MAML3: variants seen among roughly 807,000 people sequenced by gnomAD.
MAML3 encodes the protein mastermind like transcriptional coactivator 3, also known as mastermind-like protein 3.
In MAML3, 27 loss-of-function variants were observed where a neutral mutation model predicts 101.9. The observed-to-expected ratio is 0.27, with a 90% confidence interval of 0.20 to 0.37. The LOEUF (loss-of-function observed/expected upper bound fraction) is 0.37, where lower values mean the gene tolerates loss of function less well. MAML3 is among the 10% of genes least tolerant of loss of function. The pLI is 1.00. For missense variants in MAML3, 1,316 were observed against 1,444.9 expected (o/e 0.91, Z 1.45); for synonymous variants, 501 against 555.9 (o/e 0.90, Z 1.39).
chr4:140,146,820 T>TA (rs1560908208), intron 1 of MAML3, among the ~76,000 whole-genome samples: 2 of 152,118 alleles, frequency 1.3e-5, no homozygotes, highest in Admixed American at 6.6e-5. Flanking sequence ...CTGCTGTCGT[T>TA]AGTGCCAATG....
intron 1 of MAML3, among the ~76,000 whole-genome samples, chr4:139,903,646 G>C (rs1056875859): frequency 1.3e-5 from 2 of 152,178 alleles, no homozygotes; most frequent in Non-Finnish European, 2.9e-5. Flanking sequence ...GTTAAAATGA[G>C]GTGATTAGAG....
At chr4:140,028,936 T>G (rs1726867208) in intron 1 of MAML3, among the ~76,000 whole-genome samples, 1 of 152,220 alleles carries the variant, frequency 6.6e-6, no homozygotes, top group Non-Finnish European at 1.5e-5. Context: ...CTTTTTTTCC[T>G]TCTATTTTTG....
chr4:140,132,355 T>A (rs929916675), intron 1 of MAML3, among the ~76,000 whole-genome samples: 1 of 152,204 alleles, frequency 6.6e-6, no homozygotes. Context: ...TACTTTCCAA[T>A]ATAACTGGTC....
rs577358892 is a variant in MAML3, at chr4:140,062,416, T to A, written c.468+90444A>T. 3.2e-3 allele frequency among the ~76,000 whole-genome samples: 485 copies of A among 152,170 alleles called. 4 individuals are homozygous for A. The highest frequency in any genetic ancestry group is 0.027 in the Middle Eastern group (8 of 294). ...CCCCTCCCAGACCTATTAAATCAGA[T>A]ATTCTTGGGGCAGGGCCACGCTATC... On this transcript the variant is annotated intron_variant, in intron 1 of 4. Coordinates refer to ENST00000509479, the MANE Select transcript of MAML3 (RefSeq NM_018717.5).
chr4:140,040,019 G>C (rs147012266), intron 1 of MAML3, among the ~76,000 whole-genome samples: 1 of 152,288 alleles, frequency 6.6e-6, no homozygotes, highest in East Asian at 1.9e-4. Flanking sequence ...TGAGAGGACA[G>C]ACCAGTGAGA....
intron 2 of MAML3, among the ~76,000 whole-genome samples, chr4:139,861,207 C>T (rs745881687): frequency 3.9e-5 from 6 of 152,056 alleles, no homozygotes; most frequent in Non-Finnish European, 5.9e-5. Context: ...CCTCCTGGAT[C>T]ACTTCTTTCT....
chr4:140,149,298 G>A (rs891677728), intron 1 of MAML3, among the ~76,000 whole-genome samples: 2 of 152,186 alleles, frequency 1.3e-5, no homozygotes, highest in Admixed American at 6.5e-5. Context: ...CCTAATACCT[G>A]AGGTAGTGCA....
At chr4:140,049,155 AG>A (rs1470124051) in intron 1 of MAML3, among the ~76,000 whole-genome samples, 2 of 151,842 alleles carry the variant, frequency 1.3e-5, no homozygotes, top group Non-Finnish European at 3.0e-5. Context: ...TTCTTCACAA[AG>A]AAAAAAAAAT....
intron 2 of MAML3, among the ~76,000 whole-genome samples, chr4:139,851,637 G>T (rs993834049): frequency 4.6e-5 from 7 of 152,236 alleles, no homozygotes; most frequent in African/African-American, 1.7e-4. Flanking sequence ...AAGATAGGCT[G>T]GTTGGGGGCA....
chr4:139,924,041 T>A (rs1733176724), intron 1 of MAML3, among the ~76,000 whole-genome samples: 1 of 152,226 alleles, frequency 6.6e-6, no homozygotes, highest in South Asian at 2.1e-4. Context: ...AGAAACATTT[T>A]AATTTCTTTT....
In MAML3 at chr4:139,779,618, G is replaced by A. The variant is rs570448064; in HGVS notation, c.2080-48951C>T. ...ATTTCTTAGACTGCATCTGTATCCT[G>A]GGATCTGCCAGCAATACACATGACC... On this transcript the variant is annotated intron_variant, in intron 2 of 4. Coordinates refer to ENST00000509479, the MANE Select transcript of MAML3 (RefSeq NM_018717.5). Among the ~76,000 whole-genome samples, 22 of 152,266 alleles carry A rather than the reference G, an allele frequency of 1.4e-4. No individual in the cohort carries two copies. The South Asian group carries it at 4.6e-3, about 32-fold the overall frequency.
intron 2 of MAML3, among the ~76,000 whole-genome samples, chr4:139,886,729 C>T (rs1175997180): frequency 6.6e-6 from 1 of 152,068 alleles, no homozygotes; most frequent in Non-Finnish European, 1.5e-5. Flanking sequence ...AATCTTTGTT[C>T]AACCATCTGA....
chr4:140,106,115 GAAAAAAAAAA>G (rs59770042), intron 1 of MAML3, among the ~76,000 whole-genome samples: 4 of 90,074 alleles, frequency 4.4e-5, no homozygotes, highest in East Asian at 3.6e-4. Context: ...CTGACTTCAA[GAAAAAAAAAA>G]AAAAAAAAAA....
chr4:139,847,402 C>T (rs1405604187), intron 2 of MAML3, among the ~76,000 whole-genome samples: 6 of 152,074 alleles, frequency 3.9e-5, no homozygotes, highest in Admixed American at 1.3e-4. Context: ...CACGGAATCC[C>T]GCAGTGCTTG....
At chr4:140,125,557 C>T (rs1728669902) in intron 1 of MAML3, among the ~76,000 whole-genome samples, 1 of 152,216 alleles carries the variant, frequency 6.6e-6, no homozygotes, top group Admixed American at 6.5e-5. Flanking sequence ...CTTACTCATG[C>T]ACAAGGCAAA....
chr4:140,075,864 G>A (rs113912110), intron 1 of MAML3, among the ~76,000 whole-genome samples: 200 of 151,086 alleles, frequency 1.3e-3, no homozygotes, highest in African/African-American at 4.4e-3. Flanking sequence ...GGATTCAAGC[G>A]ATTCTCCCAC....
intron 2 of MAML3, among the ~76,000 whole-genome samples, chr4:139,849,759 C>T (rs1731514816): frequency 6.6e-6 from 1 of 152,212 alleles, no homozygotes; most frequent in Non-Finnish European, 1.5e-5. Context: ...CATGTTTGCT[C>T]TATCCTATCA....
At position 139,785,417 on chromosome 4, in the gene MAML3, C is replaced by T. The variant is rs1443120472; in HGVS notation, c.2080-54750G>A. Among the ~76,000 whole-genome samples the T allele has an allele frequency of 6.6e-6, 1 of 152,206 alleles. No homozygotes were observed. Among genetic ancestry groups the T allele is most frequent in the Non-Finnish European group, 1.5e-5 (1 of 68,048 alleles). On this transcript the variant is annotated intron_variant, in intron 2 of 4. Transcript: ENST00000509479. This position sits in a 1 kb window ranked among gnomAD's most constrained non-coding sequence, Gnocchi z 4.3. Reference sequence around the variant, plus strand: ...TGTGAAGGAGGAATATAATGGTTCCCTATGCTTGCTCTGGGATCAGAGTGT... The same window carrying T: ...TGTGAAGGAGGAATATAATGGTTCCTTATGCTTGCTCTGGGATCAGAGTGT...
Position 139,864,923 on chromosome 4 carries a change from C to CTTGTTTTTT in MAML3, c.2079+24433_2079+24434insAAAAAACAA, listed in dbSNP as rs56928318. Among the ~76,000 whole-genome samples, 496 of 62,428 alleles carry CTTGTTTTTT rather than the reference C, an allele frequency of 7.9e-3. 179 individuals carry two copies. Among genetic ancestry groups the CTTGTTTTTT allele is most frequent in the African/African-American group, 8.6e-3 (146 of 17,062 alleles). 41.0% of individuals were successfully genotyped at this position (62,428 alleles called of 152,430 possible). A position where few individuals can be genotyped will look rare whatever the true frequency, so the allele number is the denominator to read the frequency against. On this transcript the variant is annotated intron_variant, in intron 2 of 4. Transcript: ENST00000509479. ...TTAGGAAAATAGTAATGCAAACTTG[C>CTTGTTTTTT]TTTTTTTTTTTTTTTTTTTTTTTTT...
Sources: gnomAD v4.1 joint callset for allele counts (sites outside exome capture counted in the v4.1 genomes callset) on GRCh38, gnomAD v4.1.1 for gene constraint, Gnocchi (gnomAD v3.1) non-coding constraint, MANE v1.5 for transcripts, NCBI Gene and HGNC (gene_info 2026-07-23, HGNC 2026-07-21) for gene names.